Variants in TSPAN14 observed in about 807,000 individuals in gnomAD.
The protein encoded by TSPAN14 is tetraspanin-14.
Under a neutral mutation model 36.6 loss-of-function variants are expected in TSPAN14, and 16 were observed. The ratio of observed to expected loss-of-function variants is 0.44; its 90% CI spans 0.30 to 0.66. The LOEUF is 0.66. Among genes scored for constraint, TSPAN14 ranks in the 30% least tolerant of loss-of-function variants. The probability of loss-of-function intolerance (pLI) is 0.12; values close to 1 mark genes in which losing one functional copy is unlikely to be tolerated. For synonymous variants in TSPAN14, 139 were observed against 143.8 expected (o/e 0.97, Z 0.24); for missense variants, 231 against 355.1 (o/e 0.65, Z 2.81).
intron 5 of TSPAN14, among the ~76,000 whole-genome samples, chr10:80,510,828 C>G (rs1030703048): frequency 2.6e-5 from 4 of 152,094 alleles, no homozygotes; most frequent in Non-Finnish European, 5.9e-5. Context: ...GAGCCGAGAT[C>G]ACGCCACTGC....
intron 1 of TSPAN14, among the ~76,000 whole-genome samples, chr10:80,473,060 C>T (rs1239672250): frequency 6.6e-6 from 1 of 152,192 alleles, no homozygotes; most frequent in African/African-American, 2.4e-5. Flanking sequence ...AAGTGTCCTG[C>T]TCTGCCTGCT....
intron 1 of TSPAN14, chr10:80,485,819 T>C: frequency 2.2e-6 from 1 of 454,948 alleles, no homozygotes; most frequent in Non-Finnish European, 2.9e-6. Context: ...TTTCCTCTTC[T>C]GTGGGTTGAG....
chr10:80,499,736 C>G (rs1848390438), intron 2 of TSPAN14, among the ~76,000 whole-genome samples: 1 of 152,174 alleles, frequency 6.6e-6, no homozygotes, highest in African/African-American at 2.4e-5. Flanking sequence ...GAGGGATAGC[C>G]TTAGGTCCAT....
At chr10:80,492,794 C>T (rs1031680350) in intron 2 of TSPAN14, among the ~76,000 whole-genome samples, 5 of 151,028 alleles carry the variant, frequency 3.3e-5, no homozygotes, top group African/African-American at 4.9e-5. Flanking sequence ...CCAGCCTGGG[C>T]GACAGAGCGA....
intron 1 of TSPAN14, among the ~76,000 whole-genome samples, chr10:80,476,866 C>T (rs2131985209): frequency 6.6e-6 from 1 of 152,288 alleles, no homozygotes; most frequent in East Asian, 1.9e-4. Context: ...CCAGGCCCAG[C>T]ATAGCTCAAC....
chr10:80,465,620 C>A (rs72819577), intron 1 of TSPAN14, among the ~76,000 whole-genome samples: 3,484 of 152,292 alleles, frequency 0.023, 51 homozygotes, highest in Middle Eastern at 0.041. Context: ...ATAGTGACAC[C>A]TACAGTGGGA....
intron 2 of TSPAN14, among the ~76,000 whole-genome samples, chr10:80,494,268 G>A (rs1848071990): frequency 6.6e-6 from 1 of 152,242 alleles, no homozygotes; most frequent in South Asian, 2.1e-4. Flanking sequence ...ATGGACATCT[G>A]TGCTCTGTGA....
chr10:80,484,680 T>C (rs1249388650), intron 1 of TSPAN14, among the ~76,000 whole-genome samples: 1 of 152,256 alleles, frequency 6.6e-6, no homozygotes, highest in Non-Finnish European at 1.5e-5. Flanking sequence ...CATAATTTTT[T>C]CAGCTGCAGA....
chr10:80,466,797 G>A (rs1183323366), intron 1 of TSPAN14, among the ~76,000 whole-genome samples: 1 of 152,174 alleles, frequency 6.6e-6, no homozygotes, highest in Non-Finnish European at 1.5e-5. Context: ...TTGGATTACG[G>A]TTTTGTTTTA....
chr10:80,477,865 A>G (rs994981417), intron 1 of TSPAN14, among the ~76,000 whole-genome samples: 1 of 152,150 alleles, frequency 6.6e-6, no homozygotes, highest in African/African-American at 2.4e-5. Context: ...GCCCTTATAG[A>G]TGAAAAGGGG....
At chr10:80,516,145 G>A (rs1364482405) in intron 7 of TSPAN14, 59 bp from the exon 8 acceptor site, 1 of 1,611,168 alleles carries the variant, frequency 6.2e-7, no homozygotes, top group Admixed American at 1.7e-5. Context: ...CTCACTAGGG[G>A]ATCAGGTGGG....
chr10:80,476,409 G>GTTTTTTTTTTTTTTTTTTTTTTTT, intron 1 of TSPAN14, among the ~76,000 whole-genome samples: 1 of 85,046 alleles, frequency 1.2e-5, no homozygotes, highest in Non-Finnish European at 2.2e-5. Flanking sequence ...TTGTTTTACT[G>GTTTTTTTTTTTTTTTTTTTTTTTT]TTTTTTTTTT....
intron 1 of TSPAN14, among the ~76,000 whole-genome samples, chr10:80,458,238 G>A (rs946686536): frequency 3.3e-5 from 5 of 151,626 alleles, no homozygotes; most frequent in Admixed American, 2.6e-4. Context: ...CAGTGGTAGC[G>A]AGGTGACTGA....
chr10:80,479,327 T>A (rs1269132732), intron 1 of TSPAN14, among the ~76,000 whole-genome samples: 5 of 151,516 alleles, frequency 3.3e-5, no homozygotes, highest in Non-Finnish European at 7.4e-5. Context: ...TTGGCTTTTG[T>A]TGCCATTGCT....
chr10:80,476,215 A>T (rs917921796), intron 1 of TSPAN14, among the ~76,000 whole-genome samples: 1 of 151,952 alleles, frequency 6.6e-6, no homozygotes, highest in African/African-American at 2.4e-5. Context: ...CTTAAAAAAA[A>T]TTTAAAAATC....
chr10:80,461,492 G>A (rs1845964511), intron 1 of TSPAN14, among the ~76,000 whole-genome samples: 1 of 152,120 alleles, frequency 6.6e-6, no homozygotes, highest in South Asian at 2.1e-4. Context: ...TTTTTGAGGG[G>A]GGCATGCCAA....
chr10:80,518,007 A>G, exon 9 of TSPAN14: 4 of 1,551,654 alleles, frequency 2.6e-6, no homozygotes, highest in Non-Finnish European at 3.5e-6. Context: ...GAGCTGAGCC[A>G]CGCTGGGAGG....
At chr10:80,456,942 A>C (rs1328738823) in intron 1 of TSPAN14, among the ~76,000 whole-genome samples, 1 of 152,094 alleles carries the variant, frequency 6.6e-6, no homozygotes, top group African/African-American at 2.4e-5. Flanking sequence ...CATGCCTATA[A>C]TCCCAGCTAC....
chr10:80,493,878 C>G (rs1414349810), intron 2 of TSPAN14, among the ~76,000 whole-genome samples: 1 of 152,176 alleles, frequency 6.6e-6, no homozygotes, highest in Non-Finnish European at 1.5e-5. Context: ...TTTATACCCC[C>G]CACTGGTTCC....
Sources: allele counts gnomAD v4.1 joint callset (sites outside exome capture counted in the v4.1 genomes callset), GRCh38; gene constraint gnomAD v4.1.1; transcripts MANE v1.5; gene names NCBI Gene and HGNC (gene_info 2026-07-23, HGNC 2026-07-21).